LHFPL3: variants seen among roughly 807,000 people sequenced by gnomAD.
LHFPL3 encodes LHFPL tetraspan subfamily member 3 protein.
A neutral mutation model predicts 19.3 loss-of-function variants in LHFPL3; 5 were observed. The ratio of observed to expected loss-of-function variants is 0.26; its 90% CI spans 0.14 to 0.54. LHFPL3 has a LOEUF of 0.54. Ranked by LOEUF, LHFPL3 falls within the 20% of genes least tolerant of loss-of-function variation. The pLI, the probability that LHFPL3 is intolerant of heterozygous loss-of-function variation, is 0.94. For synonymous variants in LHFPL3, 133 were observed against 126.2 expected, an observed-to-expected ratio of 1.05 and a Z score of -0.36; for missense variants, 249 against 307.4, an observed-to-expected ratio of 0.81 and a Z score of 1.42.
At chr7:104,486,535 G>C (rs1793240682) in intron 1 of LHFPL3, among the ~76,000 whole-genome samples, 1 of 152,112 alleles carries the variant, frequency 6.6e-6, no homozygotes, top group African/African-American at 2.4e-5. Context: ...GAGGAGTGAG[G>C]AGTCTCTCTC....
intron 2 of LHFPL3, among the ~76,000 whole-genome samples, chr7:104,791,081 C>T (rs1042031914): frequency 6.6e-6 from 1 of 152,188 alleles, no homozygotes; most frequent in African/African-American, 2.4e-5. Flanking sequence ...ATAACCTGCC[C>T]TCTTTTCCTT....
At position 104,906,264 on chromosome 7, in the gene LHFPL3, C is replaced by G; in HGVS notation, c.*49C>G. On this transcript the variant is annotated 3_prime_UTR_variant, in exon 3 of 3. Transcript: ENST00000424859. Reference sequence around the variant, plus strand: ...CTAAACAAATCGAATAACAGCTAAACGAATCGAATAACAGCTTTTGTACAT... The same window carrying G: ...CTAAACAAATCGAATAACAGCTAAAGGAATCGAATAACAGCTTTTGTACAT... 6.4e-7 allele frequency: 1 copy of G among 1,574,316 alleles called. No individual in the cohort carries two copies. The highest frequency in any genetic ancestry group is 8.7e-7 in the Non-Finnish European group (1 of 1,153,744).
intron 1 of LHFPL3, among the ~76,000 whole-genome samples, chr7:104,614,537 T>C (rs948746825): frequency 6.6e-5 from 10 of 151,896 alleles, no homozygotes; most frequent in Admixed American, 2.6e-4. Context: ...TTCTTCCAAA[T>C]TCCTCCAGGA....
intron 1 of LHFPL3, chr7:104,669,211 C>G: frequency 3.7e-6 from 6 of 1,613,958 alleles, no homozygotes; most frequent in Non-Finnish European, 5.1e-6. Flanking sequence ...AAGTTCTAAC[C>G]CTCCTGCTCG....
At chr7:104,654,037 C>G (rs970741076) in intron 1 of LHFPL3, among the ~76,000 whole-genome samples, 2 of 152,114 alleles carry the variant, frequency 1.3e-5, no homozygotes, top group African/African-American at 4.8e-5. Flanking sequence ...CACCTAAGGT[C>G]TACCCATTCA....
intron 2 of LHFPL3, among the ~76,000 whole-genome samples, chr7:104,767,923 G>T (rs1794484128): frequency 1.3e-5 from 2 of 152,156 alleles, no homozygotes; most frequent in African/African-American, 4.8e-5. Flanking sequence ...AATGAACCTT[G>T]TGATTTCATC....
chr7:104,426,228 A>G (rs940410756), intron 1 of LHFPL3, among the ~76,000 whole-genome samples: 3 of 151,676 alleles, frequency 2.0e-5, no homozygotes, highest in African/African-American at 4.9e-5. Flanking sequence ...CTGGTGTTCT[A>G]CACTATGTTC....
chr7:104,820,949 C>A (rs1268052354), intron 2 of LHFPL3, among the ~76,000 whole-genome samples: 3 of 152,110 alleles, frequency 2.0e-5, no homozygotes, highest in Middle Eastern at 3.2e-3. Context: ...TAGAGAGACA[C>A]CCTCAGTGTT....
intron 1 of LHFPL3, among the ~76,000 whole-genome samples, chr7:104,393,544 C>T (rs866287569): frequency 5.9e-5 from 9 of 151,882 alleles, no homozygotes; most frequent in South Asian, 2.1e-4. Flanking sequence ...GGTGAAACCC[C>T]GTCTCTACTA....
At chr7:104,833,397 ATATT>A (rs1272969100) in intron 2 of LHFPL3, among the ~76,000 whole-genome samples, 106 of 7,440 alleles carry the variant, frequency 0.014, 24 homozygotes, top group South Asian at 0.093. Context: ...TAGGATATAT[ATATT>A]ATATATATAT....
intron 1 of LHFPL3, among the ~76,000 whole-genome samples, chr7:104,718,065 C>A (rs575978158): frequency 1.3e-5 from 2 of 152,224 alleles, no homozygotes; most frequent in African/African-American, 4.8e-5. Flanking sequence ...CACAGAAGGA[C>A]AAACACTTCA....
intron 2 of LHFPL3, among the ~76,000 whole-genome samples, chr7:104,812,577 AT>A (rs1178135226): frequency 3.3e-5 from 5 of 151,620 alleles, no homozygotes; most frequent in Admixed American, 3.3e-4. Context: ...AACTGGGCAG[AT>A]CGTTTGAGGT....
chr7:104,602,183 G>A (rs1790985441), intron 1 of LHFPL3, among the ~76,000 whole-genome samples: 1 of 151,740 alleles, frequency 6.6e-6, no homozygotes, highest in Non-Finnish European at 1.5e-5. Context: ...ACCATGCCTG[G>A]CTAATTTTTG....
At chr7:104,495,363 A>G (rs1793442070) in intron 1 of LHFPL3, among the ~76,000 whole-genome samples, 1 of 149,718 alleles carries the variant, frequency 6.7e-6, no homozygotes, top group South Asian at 2.1e-4. Context: ...GTACACAGCC[A>G]TGTCTGGCTA....
At chr7:104,820,751 C>A (rs773404110) in intron 2 of LHFPL3, among the ~76,000 whole-genome samples, 3 of 152,152 alleles carry the variant, frequency 2.0e-5, no homozygotes, top group Admixed American at 2.0e-4. Flanking sequence ...AACCACCCCC[C>A]CAGACCAAAG....
intron 1 of LHFPL3, among the ~76,000 whole-genome samples, chr7:104,521,361 C>G (rs1461732790): frequency 6.6e-6 from 1 of 152,124 alleles, no homozygotes; most frequent in African/African-American, 2.4e-5. Context: ...GAGTGCTTTA[C>G]TTCCAAGTAT....
intron 1 of LHFPL3, among the ~76,000 whole-genome samples, chr7:104,576,440 G>A (rs181721606): frequency 6.6e-6 from 1 of 152,250 alleles, no homozygotes; most frequent in Non-Finnish European, 1.5e-5. Context: ...TTTGAGTGAA[G>A]GGAGCTGGTG....
At chr7:104,556,525 C>A (rs1789838689) in intron 1 of LHFPL3, among the ~76,000 whole-genome samples, 1 of 152,156 alleles carries the variant, frequency 6.6e-6, no homozygotes, top group South Asian at 2.1e-4. Flanking sequence ...ACGGTCAAGT[C>A]CCTAGACTGT....
At chr7:104,434,224 G>A (rs1431063091) in intron 1 of LHFPL3, among the ~76,000 whole-genome samples, 1 of 152,196 alleles carries the variant, frequency 6.6e-6, no homozygotes, top group Non-Finnish European at 1.5e-5. Flanking sequence ...CAGGAAACTG[G>A]TATGATAGAG....
Sources: allele counts gnomAD v4.1 joint callset (sites outside exome capture counted in the v4.1 genomes callset), GRCh38; gene constraint gnomAD v4.1.1; transcripts MANE v1.5; gene names NCBI Gene and HGNC (gene_info 2026-07-23, HGNC 2026-07-21).